The following FRMD6 variants were observed in gnomAD, a reference collection of about 807,000 sequenced individuals.
The protein encoded by FRMD6 is FERM domain containing 6, also known as FERM domain-containing protein 6.
Under a neutral mutation model 73.2 loss-of-function variants are expected in FRMD6, and 37 were observed. The observed-to-expected ratio is 0.51, with a 90% CI of 0.39 to 0.66. The LOEUF (loss-of-function observed/expected upper bound fraction) is 0.66, where lower values mean the gene tolerates loss of function less well. Among genes scored for constraint, FRMD6 ranks in the 30% least tolerant of loss-of-function variants. FRMD6 has a pLI of 0.00. For synonymous variants in FRMD6, 273 were observed against 282.2 expected, an observed-to-expected ratio of 0.97 and a Z score of 0.33; for missense variants, 714 against 780.5, an observed-to-expected ratio of 0.91 and a Z score of 1.02.
chr14:51,506,125 G>A (rs1408335665), intron 1 of FRMD6, among the ~76,000 whole-genome samples: 1 of 152,138 alleles, frequency 6.6e-6, no homozygotes, highest in Non-Finnish European at 1.5e-5. Flanking sequence ...TGGTGACACT[G>A]CTTATGCTCT....
intron 2 of FRMD6, among the ~76,000 whole-genome samples, chr14:51,644,566 A>T (rs549067355): frequency 6.6e-6 from 1 of 152,346 alleles, no homozygotes; most frequent in South Asian, 2.1e-4. Context: ...GACAGTTAAC[A>T]TATTCATAAA....
intron 2 of FRMD6, among the ~76,000 whole-genome samples, chr14:51,599,058 C>CTTTTCT (rs1158794443): frequency 8.2e-5 from 6 of 72,800 alleles, no homozygotes; most frequent in Admixed American, 7.0e-4. Flanking sequence ...CAGTATCTGT[C>CTTTTCT]TTTTTTTTTT....
chr14:51,410,218 T>C, the FRMD6 span, among the ~76,000 whole-genome samples: 1,031 of 152,332 alleles, frequency 6.8e-3, 15 homozygotes, highest in African/African-American at 0.024. Context: ...GAATCTAGCA[T>C]TTGCTGATTC....
intron 1 of FRMD6, among the ~76,000 whole-genome samples, chr14:51,661,845 A>T (rs921975498): frequency 2.6e-5 from 4 of 152,234 alleles, no homozygotes; most frequent in Admixed American, 2.6e-4. Context: ...TCAGTTTTGT[A>T]TATTACAAAT....
intron 5 of FRMD6, among the ~76,000 whole-genome samples, chr14:51,702,933 T>G (rs1896413193): frequency 1.3e-5 from 2 of 152,046 alleles, no homozygotes; most frequent in South Asian, 4.1e-4. Flanking sequence ...CTAGCACTTT[T>G]GTAAAGAGTG....
chr14:51,579,088 C>A (rs1481597417), intron 2 of FRMD6: 1 of 152,086 alleles, frequency 6.6e-6, no homozygotes, highest in African/African-American at 2.4e-5. Context: ...TGCCCTGCCA[C>A]AGGCAGGGAC....
At chr14:51,519,282 G>C (rs996724450) in intron 1 of FRMD6, among the ~76,000 whole-genome samples, 1 of 149,814 alleles carries the variant, frequency 6.7e-6, no homozygotes, top group Non-Finnish European at 1.5e-5. Context: ...TTCCTGTCTC[G>C]ACCTCCCAAG....
At chr14:51,536,091 T>TAGAGAG (rs1437974865) in intron 1 of FRMD6, among the ~76,000 whole-genome samples, 19 of 139,304 alleles carry the variant, frequency 1.4e-4, no homozygotes, top group Admixed American at 1.2e-3. Flanking sequence ...TATATATATA[T>TAGAGAG]ATATATAGAG....
chr14:51,484,205 G>C (rs1338978985), upstream of FRMD6, among the ~76,000 whole-genome samples: 1 of 152,222 alleles, frequency 6.6e-6, no homozygotes, highest in African/African-American at 2.4e-5. Flanking sequence ...GTTGGGGGAT[G>C]TGAGGCTGGG....
At chr14:51,672,067 T>C (rs1256340818) in intron 1 of FRMD6, among the ~76,000 whole-genome samples, 1 of 152,184 alleles carries the variant, frequency 6.6e-6, no homozygotes, top group African/African-American at 2.4e-5. Flanking sequence ...TTCAAAGAAT[T>C]GTAACAAGAG....
intron 12 of FRMD6, among the ~76,000 whole-genome samples, chr14:51,723,482 T>A (rs1897744299): frequency 6.6e-6 from 1 of 152,090 alleles, no homozygotes; most frequent in Non-Finnish European, 1.5e-5. Flanking sequence ...TAAAAATAAT[T>A]AAAGAATGAG....
At chr14:51,493,624 T>G (rs1318662536) in intron 1 of FRMD6, among the ~76,000 whole-genome samples, 1 of 152,198 alleles carries the variant, frequency 6.6e-6, no homozygotes, top group Non-Finnish European at 1.5e-5. Context: ...AATTACCCAG[T>G]CTCAGCTGTG....
At chr14:51,694,747 T>G (rs930887077) in intron 2 of FRMD6, among the ~76,000 whole-genome samples, 1 of 152,206 alleles carries the variant, frequency 6.6e-6, no homozygotes, top group Non-Finnish European at 1.5e-5. Flanking sequence ...TAATTCTTAT[T>G]CTTAATACCT....
At chr14:51,499,987 G>A (rs929643929) in intron 1 of FRMD6, among the ~76,000 whole-genome samples, 9 of 152,116 alleles carry the variant, frequency 5.9e-5, no homozygotes, top group African/African-American at 2.2e-4. Context: ...ACCTCAGCAG[G>A]GCTCCTGCTA....
intron 3 of FRMD6, 123 bp from the exon 4 acceptor site, chr14:51,700,933 G>A (rs2140441359): frequency 2.2e-6 from 1 of 460,014 alleles, no homozygotes; most frequent in Non-Finnish European, 3.9e-6. Context: ...GGGTTTTCTA[G>A]TATGTGCATT....
chr14:51,481,567 C>A, the FRMD6 span, among the ~76,000 whole-genome samples: 1 of 152,232 alleles, frequency 6.6e-6, no homozygotes. Flanking sequence ...AAACTGCCTA[C>A]TATTTGCAAA....
At chr14:51,445,146 G>C in the FRMD6 span, among the ~76,000 whole-genome samples, 1 of 152,104 alleles carries the variant, frequency 6.6e-6, no homozygotes, top group African/African-American at 2.4e-5. Context: ...AAGAGAAGCT[G>C]GACTATTGCC....
At chr14:51,487,547 A>T (rs1882796246), upstream of FRMD6, among the ~76,000 whole-genome samples, 1 of 152,226 alleles carries the variant, frequency 6.6e-6, no homozygotes, top group Admixed American at 6.5e-5. Context: ...TATGGGTCAC[A>T]TTTTGAATAG....
At chr14:51,509,992 G>T (rs1045269473) in intron 1 of FRMD6, among the ~76,000 whole-genome samples, 1 of 152,228 alleles carries the variant, frequency 6.6e-6, no homozygotes, top group Non-Finnish European at 1.5e-5. Flanking sequence ...ATTATTTTGT[G>T]AAAACAGGGC....
Sources: allele counts gnomAD v4.1 joint callset (sites outside exome capture counted in the v4.1 genomes callset), GRCh38; gene constraint gnomAD v4.1.1; transcripts MANE v1.5; gene names NCBI Gene and HGNC (gene_info 2026-07-23, HGNC 2026-07-21).